The following MAPK14 variants were observed in gnomAD, a reference collection of about 807,000 sequenced individuals.
MAPK14 encodes mitogen-activated protein kinase 14, also known as CSAID-binding protein.
A neutral mutation model predicts 49.6 loss-of-function variants in MAPK14; 16 were observed. That is an observed-to-expected ratio of 0.32 (90% CI 0.22 to 0.49). The LOEUF is 0.49. Among genes scored for constraint, MAPK14 ranks in the 20% least tolerant of loss-of-function variants. The probability of loss-of-function intolerance (pLI) is 0.99; values close to 1 mark genes in which losing one functional copy is unlikely to be tolerated. For synonymous variants in MAPK14, 142 were observed against 158.0 expected, an observed-to-expected ratio of 0.90 and a Z score of 0.76; for missense variants, 200 against 441.2, an observed-to-expected ratio of 0.45 and a Z score of 4.90.
rs915813925 is a variant in MAPK14, at chr6:36,110,253, G to C, written c.*1806G>C. On this transcript the variant is annotated 3_prime_UTR_variant, in exon 12 of 12. Coordinates refer to ENST00000229794, the MANE Select transcript of MAPK14 (RefSeq NM_139012.3). ...TCAGTGCAGTGATACATGTACTCCAGAGGGACAGGGTGGACCCCCTGAGTC... is the reference window on the plus strand; with the variant it reads ...TCAGTGCAGTGATACATGTACTCCACAGGGACAGGGTGGACCCCCTGAGTC... 4 of 152,440 alleles carry C rather than the reference G, an allele frequency of 2.6e-5. No homozygotes were observed. Among genetic ancestry groups the C allele is most frequent in the African/African-American group, 9.6e-5 (4 of 41,458 alleles). 9.4% of individuals were successfully genotyped at this position (152,440 alleles called of 1,614,324 possible).
intron 10 of MAPK14, among the ~76,000 whole-genome samples, chr6:36,103,034 G>T (rs1239478323): frequency 6.6e-6 from 1 of 152,156 alleles, no homozygotes; most frequent in Admixed American, 6.5e-5. Flanking sequence ...TGAAGTGCAG[G>T]TGGGTGTTTA....
Position 36,096,321 on chromosome 6 carries a change from A to G in MAPK14, c.762+255A>G, listed in dbSNP as rs61764192. 1.8e-3 allele frequency: 680 copies of G among 378,284 alleles called. 4 individuals are homozygous for G. The highest frequency in any genetic ancestry group is 0.012 in the African/African-American group (597 of 48,606). 23.4% of individuals were successfully genotyped at this position (378,284 alleles called of 1,614,324 possible). A position where few individuals can be genotyped will look rare whatever the true frequency, so the allele number is the denominator to read the frequency against. On this transcript the variant is annotated intron_variant, in intron 9 of 11. Coordinates refer to ENST00000229794, the MANE Select transcript of MAPK14 (RefSeq NM_139012.3). ...ACGGGAGCCTCCATTAGACAATAGT[A>G]TCCCAGTAAAGCAATGAGATTTGAG...
chr6:36,033,837 C>G (rs545147067), intron 1 of MAPK14, among the ~76,000 whole-genome samples: 2 of 152,278 alleles, frequency 1.3e-5, no homozygotes, highest in East Asian at 3.9e-4. Context: ...GTAGATCACC[C>G]TCACTTTAGA....
chr6:36,052,868 A>G (rs1447931261), intron 2 of MAPK14, 40 bp downstream of exon 2: 1 of 1,565,606 alleles, frequency 6.4e-7, no homozygotes, highest in Admixed American at 1.8e-5. Flanking sequence ...TTTGATCTTG[A>G]ATAGACTGGG....
intron 8 of MAPK14, among the ~76,000 whole-genome samples, chr6:36,091,128 T>C (rs905352265): frequency 7.2e-5 from 11 of 152,264 alleles, no homozygotes; most frequent in African/African-American, 2.7e-4. Context: ...TTGGTCCTTT[T>C]ATTTATCTTC....
intron 1 of MAPK14, among the ~76,000 whole-genome samples, chr6:36,051,278 A>C (rs1483932039): frequency 6.6e-6 from 1 of 151,640 alleles, no homozygotes; most frequent in African/African-American, 2.4e-5. Flanking sequence ...ACTGCGCCTA[A>C]TTTTGTATTT....
chr6:36,114,339 G>C (rs1187938547), downstream of MAPK14, among the ~76,000 whole-genome samples: 1 of 151,526 alleles, frequency 6.6e-6, no homozygotes, highest in Non-Finnish European at 1.5e-5. Context: ...TTTGGTGGCC[G>C]GGCACGGTGG....
Position 36,107,151 on chromosome 6 carries a change from T to C in MAPK14, c.842-304T>C, listed in dbSNP as rs1424238685. Among the ~76,000 whole-genome samples, 3 of 152,178 alleles carry C rather than the reference T, an allele frequency of 2.0e-5. No individual in the cohort carries two copies. Among genetic ancestry groups the C allele is most frequent in the Non-Finnish European group, 4.4e-5 (3 of 68,034 alleles). ...GGTACAATGTTCACTATTTGGTTAA[T>C]GGGCACGCTAGAAGCCCAGTCCCCA... On this transcript the variant is annotated intron_variant, in intron 10 of 11. Transcript: ENST00000229794. This position sits in a 1 kb window ranked among gnomAD's most constrained non-coding sequence, Gnocchi z 4.3.
intron 1 of MAPK14, among the ~76,000 whole-genome samples, chr6:36,043,810 T>C (rs1319186927): frequency 5.2e-5 from 7 of 134,196 alleles, no homozygotes; most frequent in Admixed American, 1.5e-4. Flanking sequence ...CTTTCTTTTT[T>C]TTTTTTTTTT....
intron 8 of MAPK14, chr6:36,092,120 C>A (rs1765258659): frequency 2.1e-5 from 11 of 516,728 alleles, no homozygotes; most frequent in South Asian, 1.5e-4. Flanking sequence ...TGCAGCAGGT[C>A]ATTCTTGGGT....
chr6:36,066,277 CT>C (rs1195625370), intron 3 of MAPK14, among the ~76,000 whole-genome samples: 1 of 152,112 alleles, frequency 6.6e-6, no homozygotes, highest in African/African-American at 2.4e-5. Flanking sequence ...TCACATTTTT[CT>C]GATCTAAGGC....
chr6:36,098,389 C>T (rs1765520113), intron 9 of MAPK14, among the ~76,000 whole-genome samples: 1 of 152,094 alleles, frequency 6.6e-6, no homozygotes. Flanking sequence ...AAAGCAAAAG[C>T]AGACTGGGCA....
In MAPK14 at chr6:36,028,562, T is replaced by A. The variant is rs1452417596; in HGVS notation, c.116+289T>A. Among the ~76,000 whole-genome samples, 1 of 152,170 alleles carries A rather than the reference T, an allele frequency of 6.6e-6. No individual in the cohort carries two copies. The highest frequency in any genetic ancestry group is 2.4e-5 in the African/African-American group (1 of 41,456). On this transcript the variant is annotated intron_variant, in intron 1 of 11. Transcript: ENST00000229794. The surrounding 1 kb of genome is among the most constrained non-coding windows in gnomAD (Gnocchi z 5.1). ...CCTGCGCCTTCCCCTCTCGGAGGGT[T>A]GCTGCTCGGCAACAGGCACCGGGGG...
At chr6:36,059,143 G>T (rs989003186) in intron 2 of MAPK14, 146 bp from the exon 3 acceptor site, 17 of 480,952 alleles carry the variant, frequency 3.5e-5, no homozygotes, top group Non-Finnish European at 4.3e-5. Flanking sequence ...GCCCGCCTCG[G>T]CCTCCCAAAG....
At chr6:36,055,931 T>G (rs1763574894) in intron 2 of MAPK14, among the ~76,000 whole-genome samples, 2 of 152,166 alleles carry the variant, frequency 1.3e-5, no homozygotes, top group Non-Finnish European at 2.9e-5. Context: ...TAAAAACCCA[T>G]CAAAAATTTA....
the MAPK14 span, among the ~76,000 whole-genome samples, chr6:36,119,205 T>C: frequency 6.6e-6 from 1 of 152,198 alleles, no homozygotes; most frequent in South Asian, 2.1e-4. Context: ...ATAGACACTT[T>C]CCTCCTTCAG....
chr6:36,115,654 G>A (rs1242206629), downstream of MAPK14, among the ~76,000 whole-genome samples: 8 of 152,086 alleles, frequency 5.3e-5, no homozygotes, highest in East Asian at 1.9e-4. Flanking sequence ...GGGGCGGGGC[G>A]CAGTGGCTTA....
At chr6:36,108,026 A>G (rs1230947685) in intron 11 of MAPK14, among the ~76,000 whole-genome samples, 1 of 152,212 alleles carries the variant, frequency 6.6e-6, no homozygotes, top group East Asian at 1.9e-4. Context: ...GTCCAGTCCC[A>G]TATTCTTTCC....
intron 3 of MAPK14, among the ~76,000 whole-genome samples, chr6:36,062,074 T>C (rs1462516796): frequency 6.6e-6 from 1 of 152,164 alleles, no homozygotes; most frequent in African/African-American, 2.4e-5. Context: ...GCCTCCCAGC[T>C]CATGCAATCC....
Sources: gnomAD v4.1 joint callset for allele counts (sites outside exome capture counted in the v4.1 genomes callset) on GRCh38, gnomAD v4.1.1 for gene constraint, Gnocchi (gnomAD v3.1) non-coding constraint, MANE v1.5 for transcripts, NCBI Gene and HGNC (gene_info 2026-07-23, HGNC 2026-07-21) for gene names.